PAPPA: variants seen among roughly 807,000 people sequenced by gnomAD.
PAPPA encodes pappalysin 1.
PAPPA carries 60 observed loss-of-function variants against 164.0 expected under a neutral mutation model. The observed-to-expected ratio is 0.37, with a 90% CI of 0.30 to 0.45. The LOEUF (loss-of-function observed/expected upper bound fraction) is 0.45, where lower values mean the gene tolerates loss of function less well. Ranked by LOEUF, PAPPA falls within the 20% of genes least tolerant of loss-of-function variation. The pLI is 1.00. For synonymous variants in PAPPA, 875 were observed against 814.1 expected, an observed-to-expected ratio of 1.07 and a Z score of -1.27; for missense variants, 1,782 against 2,087.3, an observed-to-expected ratio of 0.85 and a Z score of 2.85.
intron 10 of PAPPA, among the ~76,000 whole-genome samples, chr9:116,321,886 G>C (rs570381840): frequency 6.6e-6 from 1 of 152,294 alleles, no homozygotes; most frequent in South Asian, 2.1e-4. Context: ...CATAATGCAA[G>C]TGTATTACCT....
intron 9 of PAPPA, among the ~76,000 whole-genome samples, chr9:116,275,010 C>T (rs1270585751): frequency 6.6e-6 from 1 of 152,210 alleles, no homozygotes; most frequent in Non-Finnish European, 1.5e-5. Context: ...GCTAGCTATG[C>T]ACAGCACCAG....
intron 17 of PAPPA, among the ~76,000 whole-genome samples, chr9:116,357,631 G>A (rs1234728651): frequency 6.6e-6 from 1 of 152,182 alleles, no homozygotes; most frequent in Non-Finnish European, 1.5e-5. Context: ...CAGTAGTGAA[G>A]GGCAGAGATT....
At chr9:116,324,753 G>A (rs949980635) in intron 10 of PAPPA, among the ~76,000 whole-genome samples, 4 of 152,156 alleles carry the variant, frequency 2.6e-5, no homozygotes, top group Non-Finnish European at 4.4e-5. Flanking sequence ...GGTGGTGGGC[G>A]TGGGGGTTCT....
chr9:116,214,500 A>C (rs1011381722), intron 4 of PAPPA, among the ~76,000 whole-genome samples: 2 of 152,154 alleles, frequency 1.3e-5, no homozygotes, highest in African/African-American at 4.8e-5. Context: ...TGTGTTACTA[A>C]CTAGTAAGTA....
intron 2 of PAPPA, among the ~76,000 whole-genome samples, chr9:116,200,533 T>C (rs931211798): frequency 5.9e-5 from 9 of 152,290 alleles, no homozygotes; most frequent in East Asian, 5.8e-4. Context: ...TCTAGGGCTT[T>C]TGAAAAGCTT....
intron 1 of PAPPA, among the ~76,000 whole-genome samples, chr9:116,159,063 A>G (rs566215226): frequency 6.6e-6 from 1 of 152,266 alleles, no homozygotes; most frequent in East Asian, 1.9e-4. Context: ...AGAAATGGAT[A>G]TAAATCTCAA....
chr9:116,369,412 G>C (rs1189114289), intron 19 of PAPPA, among the ~76,000 whole-genome samples: 1 of 152,206 alleles, frequency 6.6e-6, no homozygotes, highest in African/African-American at 2.4e-5. Context: ...TATAGAGGAA[G>C]GCGGCTGGTC....
chr9:116,313,345 G>A (rs1404510390), intron 10 of PAPPA, among the ~76,000 whole-genome samples: 2 of 152,152 alleles, frequency 1.3e-5, no homozygotes, highest in Admixed American at 6.5e-5. Context: ...GGTGGTGAAA[G>A]GGGACACTTC....
intron 9 of PAPPA, among the ~76,000 whole-genome samples, chr9:116,298,900 A>G (rs1845544024): frequency 6.6e-6 from 1 of 152,238 alleles, no homozygotes; most frequent in Non-Finnish European, 1.5e-5. Context: ...CCTGCTCAGC[A>G]TCTAGCAGAA....
At position 116,354,046 on chromosome 9, in the gene PAPPA, C is replaced by T. The variant is rs146786954; in HGVS notation, c.4347+253C>T. Among the ~76,000 whole-genome samples, 1,414 of 152,192 alleles carry T rather than the reference C, an allele frequency of 9.3e-3. 12 individuals are homozygous for T. The highest frequency in any genetic ancestry group is 0.029 in the South Asian group (140 of 4,810). ...GTTGATAAAAGTTAAGTTCCTCAAA[C>T]AGGAAATGACCAGGGCTCTTTTCCC... is the stretch of plus-strand genomic sequence containing the variant. On this transcript the variant is annotated intron_variant, in intron 17 of 21. Coordinates refer to ENST00000328252, the MANE Select transcript of PAPPA (RefSeq NM_002581.5).
chr9:116,170,514 C>T (rs1843764487), intron 1 of PAPPA, among the ~76,000 whole-genome samples: 1 of 152,046 alleles, frequency 6.6e-6, no homozygotes, highest in Non-Finnish European at 1.5e-5. Context: ...ACCATGAAGC[C>T]ACAAATCCAG....
chr9:116,298,161 G>A (rs1311193896), intron 9 of PAPPA, among the ~76,000 whole-genome samples: 1 of 152,198 alleles, frequency 6.6e-6, no homozygotes. Flanking sequence ...TGCATCTTAA[G>A]TAGTGTCCTG....
intron 10 of PAPPA, among the ~76,000 whole-genome samples, chr9:116,308,279 G>A (rs767093329): frequency 2.0e-5 from 3 of 152,206 alleles, no homozygotes; most frequent in Non-Finnish European, 2.9e-5. Flanking sequence ...GAGTTTCCCC[G>A]AGGAAGAAAC....
chr9:116,336,753 A>G (rs951893643), intron 13 of PAPPA, among the ~76,000 whole-genome samples: 2 of 152,130 alleles, frequency 1.3e-5, no homozygotes, highest in Admixed American at 6.5e-5. Flanking sequence ...CTGACTAATT[A>G]TTTGACCTTG....
intron 9 of PAPPA, among the ~76,000 whole-genome samples, chr9:116,297,725 A>C (rs1845526943): frequency 6.6e-6 from 1 of 152,190 alleles, no homozygotes; most frequent in Non-Finnish European, 1.5e-5. Context: ...CTATCCTTCA[A>C]GATACCTTAG....
At chr9:116,331,052 T>G (rs1008520239) in intron 10 of PAPPA, among the ~76,000 whole-genome samples, 192 bp from the exon 11 acceptor site, 6 of 152,206 alleles carry the variant, frequency 3.9e-5, no homozygotes, top group African/African-American at 1.2e-4. Flanking sequence ...TATTATATCC[T>G]TAAAAGTGTT....
chr9:116,310,905 C>CCATGG (rs1763708691), intron 10 of PAPPA, among the ~76,000 whole-genome samples: 2 of 152,140 alleles, frequency 1.3e-5, no homozygotes, highest in Admixed American at 6.5e-5. Context: ...AATAACATCT[C>CCATGG]CATGGCAGGT....
At chr9:116,322,716 T>C (rs1372525080) in intron 10 of PAPPA, among the ~76,000 whole-genome samples, 1 of 152,142 alleles carries the variant, frequency 6.6e-6, no homozygotes, top group Non-Finnish European at 1.5e-5. Context: ...AACCTGGCAT[T>C]GGAACTGCAA....
Position 116,202,481 on chromosome 9 carries a change from C to T in PAPPA, c.1479-4975C>T, listed in dbSNP as rs73654673. On this transcript the variant is annotated intron_variant, in intron 2 of 21. Transcript: ENST00000328252. ...TTCTGGCAAAGGGGTAAAGTCTGGG[C>T]GCCTTGGCAATCAGGGCTGGGCTCC... Among the ~76,000 whole-genome samples, 865 of 152,178 alleles carry T rather than the reference C, an allele frequency of 5.7e-3. 10 individuals are homozygous for T. Among genetic ancestry groups the T allele is most frequent in the African/African-American group, 0.019 (781 of 41,530 alleles).
Sources: allele counts gnomAD v4.1 joint callset (sites outside exome capture counted in the v4.1 genomes callset), GRCh38; gene constraint gnomAD v4.1.1; transcripts MANE v1.5; gene names NCBI Gene and HGNC (gene_info 2026-07-23, HGNC 2026-07-21).